Variants in OC90 observed in about 807,000 individuals in gnomAD.
OC90 encodes otoconin-90.
A neutral mutation model predicts 47.3 loss-of-function variants in OC90; 46 were observed. The ratio of observed to expected loss-of-function variants is 0.97; its 90% confidence interval spans 0.77 to 1.24. The LOEUF is 1.24. Ranked by LOEUF, OC90 falls within the 50% of genes most tolerant of loss-of-function variation. The probability of loss-of-function intolerance (pLI) is 0.00; values close to 1 mark genes in which losing one functional copy is unlikely to be tolerated. For synonymous variants in OC90, 271 were observed against 219.5 expected (o/e 1.23, Z -2.07); for missense variants, 688 against 583.9 (o/e 1.18, Z -1.84).
chr8:132,036,254 T>G, intron 9 of OC90: 1 of 692,574 alleles, frequency 1.4e-6, no homozygotes, highest in Non-Finnish European at 2.6e-6. Flanking sequence ...GGTATAATAA[T>G]ATTTATTTCA....
intron 3 of OC90, 100 bp downstream of exon 3, chr8:132,045,718 G>A: frequency 1.5e-6 from 1 of 688,136 alleles, no homozygotes; most frequent in Non-Finnish European, 2.6e-6. Context: ...TGCCACAGCA[G>A]TGAGTGGCTC....
rs558895126 is a variant in OC90, at chr8:132,038,784, C to A, written c.628+6G>T. The A allele has an allele frequency of 2.5e-6, 4 of 1,612,942 alleles. No individual in the cohort carries two copies. The highest frequency in any genetic ancestry group is 3.4e-6 in the Non-Finnish European group (4 of 1,179,294). ...TTCAAGAGCCACCAACCCTGGGAGG[C>A]CTTACCTCTGGGCAGAAGTGTTGTC... On this transcript the variant is annotated splice_donor_region_variant and intron_variant, in intron 8 of 13. Transcript: ENST00000254627.
chr8:132,026,942 A>G (rs1182519772), intron 13 of OC90, among the ~76,000 whole-genome samples: 1 of 152,018 alleles, frequency 6.6e-6, no homozygotes, highest in Admixed American at 6.6e-5. Context: ...TGTTCCAGCA[A>G]TACAGAACCA....
At chr8:132,043,846 C>T (rs1823092900) in intron 4 of OC90, among the ~76,000 whole-genome samples, 1 of 152,230 alleles carries the variant, frequency 6.6e-6, no homozygotes, top group Non-Finnish European at 1.5e-5. Flanking sequence ...GCCTTATGCC[C>T]AGCATGGCCC....
intron 2 of OC90, chr8:132,049,825 A>G (rs1335335850): frequency 1.9e-6 from 1 of 518,156 alleles, no homozygotes; most frequent in Non-Finnish European, 3.9e-6. Context: ...TGGCCACGTG[A>G]CATGGCTGTA....
At position 132,054,893 on chromosome 8, in the gene OC90, G is replaced by A. The variant is rs960189814; in HGVS notation, c.46+88C>T. The A allele has an allele frequency of 1.2e-4, 91 of 772,466 alleles. No homozygotes were observed. The African/African-American group carries it at 1.5e-3, about 13-fold the overall frequency. The allele number at this position is 772,466 out of a possible 1,614,324, so 47.9% of individuals were successfully genotyped here. On this transcript the variant is annotated intron_variant, in intron 2 of 13. Transcript: ENST00000254627. ...CATTTAAAAGACACGTGGGAAAGATGGTGGGGGTGGGCCTGTTGAAGGGAC... is the reference window on the plus strand; with the variant it reads ...CATTTAAAAGACACGTGGGAAAGATAGTGGGGGTGGGCCTGTTGAAGGGAC...
intron 2 of OC90, among the ~76,000 whole-genome samples, chr8:132,048,158 T>A (rs1322963523): frequency 6.6e-6 from 1 of 152,246 alleles, no homozygotes; most frequent in East Asian, 1.9e-4. Flanking sequence ...AGTGAAATTC[T>A]GTTCTTTATA....
At chr8:132,049,563 C>T (rs536504604) in intron 2 of OC90, among the ~76,000 whole-genome samples, 13 of 152,094 alleles carry the variant, frequency 8.5e-5, no homozygotes, top group African/African-American at 2.9e-4. Flanking sequence ...ATATCTCCCA[C>T]CCTTTCATTC....
At chr8:132,031,568 C>T (rs988240732) in intron 12 of OC90, among the ~76,000 whole-genome samples, 3 of 152,292 alleles carry the variant, frequency 2.0e-5, no homozygotes, top group African/African-American at 2.4e-5. Context: ...CAGATTGGCC[C>T]TCTTGGGGTA....
At chr8:132,041,746 T>A in intron 4 of OC90, 47 bp from the exon 5 acceptor site, 1 of 1,217,054 alleles carries the variant, frequency 8.2e-7, no homozygotes, top group Non-Finnish European at 1.2e-6. Context: ...GAACTAGGAC[T>A]AGGAGGGCGT....
intron 4 of OC90, among the ~76,000 whole-genome samples, chr8:132,043,228 G>A (rs1235980222): frequency 6.6e-6 from 1 of 152,218 alleles, no homozygotes; most frequent in Non-Finnish European, 1.5e-5. Context: ...CACTGGCACA[G>A]TAATTCAGCC....
At chr8:132,035,890 G>A (rs1220417908) in intron 9 of OC90, among the ~76,000 whole-genome samples, 1 of 152,206 alleles carries the variant, frequency 6.6e-6, no homozygotes, top group African/African-American at 2.4e-5. Flanking sequence ...GGAATGATAT[G>A]CTGGCACATA....
chr8:132,041,781 C>T, intron 4 of OC90, 82 bp from the exon 5 acceptor site: 3 of 768,392 alleles, frequency 3.9e-6, no homozygotes, highest in South Asian at 3.6e-5. Context: ...CTTCCTATAC[C>T]TCAGGCTGAT....
chr8:132,032,734 A>G (rs1048319069), intron 11 of OC90, among the ~76,000 whole-genome samples: 1 of 152,148 alleles, frequency 6.6e-6, no homozygotes, highest in Non-Finnish European at 1.5e-5. Context: ...ATGCTTTCCA[A>G]TAAAGCACGG....
chr8:132,054,623 T>C (rs57317623), intron 2 of OC90, among the ~76,000 whole-genome samples: 3,780 of 152,310 alleles, frequency 0.025, 138 homozygotes, highest in African/African-American at 0.084. Flanking sequence ...AATTCACATG[T>C]AAATGGATAC....
chr8:132,059,021 C>A (rs1823312408), intron 1 of OC90, among the ~76,000 whole-genome samples: 2 of 151,944 alleles, frequency 1.3e-5, no homozygotes, highest in Admixed American at 1.3e-4. Flanking sequence ...CCCCTCCATT[C>A]TTCTCTCCCT....
At chr8:132,028,831 A>AAAAG (rs1822826698) in intron 13 of OC90, among the ~76,000 whole-genome samples, 1 of 150,512 alleles carries the variant, frequency 6.6e-6, no homozygotes, top group African/African-American at 2.4e-5. Context: ...AAAAGAAAGA[A>AAAAG]AGAAAGAAAA....
chr8:132,033,016 G>A (rs1236307287), intron 11 of OC90, 23 bp downstream of exon 11: 1 of 1,604,110 alleles, frequency 6.2e-7, no homozygotes, highest in East Asian at 2.2e-5. Context: ...GCAGCGGAGA[G>A]GACAGACACT....
chr8:132,034,704 T>G, intron 10 of OC90, 77 bp downstream of exon 10: 4 of 987,264 alleles, frequency 4.1e-6, no homozygotes, highest in Non-Finnish European at 4.7e-6. Flanking sequence ...TGGAACCCAG[T>G]TGATATCATA....
Sources: gnomAD v4.1 joint callset for allele counts (sites outside exome capture counted in the v4.1 genomes callset) on GRCh38, gnomAD v4.1.1 for gene constraint, MANE v1.5 for transcripts, NCBI Gene and HGNC (gene_info 2026-07-23, HGNC 2026-07-21) for gene names.